The following ABI1 variants were observed in gnomAD, a reference collection of about 807,000 sequenced individuals.
ABI1 encodes the protein abl interactor 1.
A neutral mutation model predicts 54.6 loss-of-function variants in ABI1; 14 were observed. That is an observed-to-expected ratio of 0.26 (90% CI 0.17 to 0.40). The LOEUF (loss-of-function observed/expected upper bound fraction) is 0.40. Among genes scored for constraint, ABI1 ranks in the 10% least tolerant of loss-of-function variants. The pLI is 1.00. For missense variants in ABI1, 443 were observed against 598.3 expected, an observed-to-expected ratio of 0.74 and a Z score of 2.71; for synonymous variants, 194 against 209.3, an observed-to-expected ratio of 0.93 and a Z score of 0.63.
rs972256669 is a variant in ABI1 at position 26,860,380 on chromosome 10, G to C, written c.117+367C>G. 1.3e-5 allele frequency among the ~76,000 whole-genome samples: 2 copies of C among 152,030 alleles called. No individual in the cohort carries two copies. The highest frequency in any genetic ancestry group is 6.5e-5 in the Admixed American group (1 of 15,268). ...CGCGGCGGCAGCTCGGGGGTATTCCGGGACTCCAGCCCTGCGGACTGGAGG... is the reference window on the plus strand; with the variant it reads ...CGCGGCGGCAGCTCGGGGGTATTCCCGGACTCCAGCCCTGCGGACTGGAGG... On this transcript the variant is annotated intron_variant, in intron 1 of 10. Coordinates refer to ENST00000376140, the MANE Select transcript of ABI1 (RefSeq NM_001012750.3). The surrounding 1 kb of genome is among the most constrained non-coding windows in gnomAD (Gnocchi z 4.1).
chr10:26,751,280 T>A (rs1007392059), intron 10 of ABI1, among the ~76,000 whole-genome samples: 1 of 152,192 alleles, frequency 6.6e-6, no homozygotes, highest in African/African-American at 2.4e-5. Context: ...TTAAAATCTT[T>A]ACTAATTACA....
At chr10:26,857,862 AAAAG>A (rs576963898) in intron 1 of ABI1, among the ~76,000 whole-genome samples, 4,812 of 148,136 alleles carry the variant, frequency 0.032, 260 homozygotes, top group African/African-American at 0.11. Flanking sequence ...AAAAAAAAAA[AAAAG>A]AAAGAAAAAA....
intron 2 of ABI1, among the ~76,000 whole-genome samples, chr10:26,809,223 T>C (rs1197094245): frequency 1.3e-5 from 2 of 150,696 alleles, no homozygotes; most frequent in East Asian, 2.0e-4. Context: ...TGAGCCGAGA[T>C]TGTGCCACTG....
intron 1 of ABI1, among the ~76,000 whole-genome samples, chr10:26,827,596 G>GTTT (rs398013068): frequency 2.1e-4 from 29 of 138,042 alleles, no homozygotes; most frequent in African/African-American, 4.9e-4. Flanking sequence ...TCTGTTTTTT[G>GTTT]TTTTTTTTTT....
chr10:26,846,212 A>T (rs927916118), intron 1 of ABI1, among the ~76,000 whole-genome samples: 5 of 151,850 alleles, frequency 3.3e-5, no homozygotes, highest in Non-Finnish European at 5.9e-5. Context: ...GCCACCCTCC[A>T]ATCTGTTCTG....
At chr10:26,855,147 A>G (rs1025438993) in intron 1 of ABI1, among the ~76,000 whole-genome samples, 2 of 152,240 alleles carry the variant, frequency 1.3e-5, no homozygotes, top group Non-Finnish European at 2.9e-5. Flanking sequence ...GGTCCCAAGC[A>G]TTTTGAATAA....
intron 8 of ABI1, among the ~76,000 whole-genome samples, chr10:26,757,444 T>G (rs1443321893): frequency 6.6e-6 from 1 of 152,044 alleles, no homozygotes; most frequent in African/African-American, 2.4e-5. Flanking sequence ...CAGAGTAAAT[T>G]AAATGTCTAA....
At chr10:26,814,394 A>C (rs1242771292) in intron 2 of ABI1, among the ~76,000 whole-genome samples, 3 of 152,212 alleles carry the variant, frequency 2.0e-5, no homozygotes, top group Non-Finnish European at 4.4e-5. Context: ...TTCCAGTTCT[A>C]ACTTCCATGA....
At position 26,772,287 on chromosome 10, in the gene ABI1, T is replaced by A. The variant is rs72629723; in HGVS notation, c.463-1198A>T. Among the ~76,000 whole-genome samples, 2,709 of 152,164 alleles carry A rather than the reference T, an allele frequency of 0.018. 190 individuals are homozygous for A. In the South Asian group the frequency reaches 0.19, roughly 11 times the overall value. On this transcript the variant is annotated intron_variant, in intron 3 of 10. Coordinates refer to ENST00000376140, the MANE Select transcript of ABI1 (RefSeq NM_001012750.3). ...GATCCTTGAAGATAAAATACACTAA[T>A]GTATACTTCAGTATCTGTATTATGA...
chr10:26,818,897 G>A (rs937780790), intron 2 of ABI1, among the ~76,000 whole-genome samples: 2 of 152,130 alleles, frequency 1.3e-5, no homozygotes, highest in Non-Finnish European at 2.9e-5. Flanking sequence ...GGGAGGCTGA[G>A]ACAGAGAATT....
chr10:26,783,374 G>A (rs1359411613), intron 2 of ABI1, among the ~76,000 whole-genome samples: 4 of 152,154 alleles, frequency 2.6e-5, no homozygotes, highest in African/African-American at 9.7e-5. Context: ...GAGATTATTG[G>A]TTGCTCAACA....
chr10:26,814,144 T>G (rs1204200603), intron 2 of ABI1, among the ~76,000 whole-genome samples: 2 of 152,192 alleles, frequency 1.3e-5, no homozygotes, highest in African/African-American at 4.8e-5. Flanking sequence ...GAGCCCACTG[T>G]AGAAATAGAC....
At chr10:26,852,896 A>C (rs1035727460) in intron 1 of ABI1, among the ~76,000 whole-genome samples, 1 of 152,202 alleles carries the variant, frequency 6.6e-6, no homozygotes, top group African/African-American at 2.4e-5. Flanking sequence ...GCAAAATCCC[A>C]TCTCTACAAA....
At chr10:26,854,745 CTTTGACTG>C (rs1165759642) in intron 1 of ABI1, among the ~76,000 whole-genome samples, 1 of 152,226 alleles carries the variant, frequency 6.6e-6, no homozygotes, top group Non-Finnish European at 1.5e-5. Context: ...TCCTGAATCA[CTTTGACTG>C]TTTTTCCCCA....
chr10:26,809,582 A>G (rs1215099893), intron 2 of ABI1, among the ~76,000 whole-genome samples: 1 of 152,048 alleles, frequency 6.6e-6, no homozygotes, highest in Admixed American at 6.5e-5. Flanking sequence ...AATAAAATAA[A>G]AATAAAACAA....
At chr10:26,770,935 C>A in intron 4 of ABI1, 140 bp downstream of exon 4, 1 of 832,806 alleles carries the variant, frequency 1.2e-6, no homozygotes. Flanking sequence ...TTGAACTGAA[C>A]TTGAGTATTA....
At chr10:26,785,899 T>C (rs1157205413) in intron 2 of ABI1, among the ~76,000 whole-genome samples, 1 of 152,072 alleles carries the variant, frequency 6.6e-6, no homozygotes, top group African/African-American at 2.4e-5. Flanking sequence ...CCTTTCACCT[T>C]CCTCTGTGGA....
intron 10 of ABI1, among the ~76,000 whole-genome samples, chr10:26,749,822 T>C (rs1426452899): frequency 6.6e-6 from 1 of 152,246 alleles, no homozygotes; most frequent in African/African-American, 2.4e-5. Flanking sequence ...GTATTGTCTA[T>C]GTCTGCTTTT....
intron 3 of ABI1, 71 bp from the exon 4 acceptor site, chr10:26,771,160 G>C (rs1840643806): frequency 6.6e-7 from 1 of 1,506,002 alleles, no homozygotes. Context: ...CGATAGGACA[G>C]GTTTACATTT....
Sources: gnomAD v4.1 joint callset for allele counts (sites outside exome capture counted in the v4.1 genomes callset) on GRCh38, gnomAD v4.1.1 for gene constraint, Gnocchi (gnomAD v3.1) non-coding constraint, MANE v1.5 for transcripts, NCBI Gene and HGNC (gene_info 2026-07-23, HGNC 2026-07-21) for gene names.